UBR4: variants seen among roughly 807,000 people sequenced by gnomAD.
The protein encoded by UBR4 is ubiquitin protein ligase E3 component n-recognin 4, also known as E3 ubiquitin-protein ligase UBR4.
UBR4 carries 124 observed loss-of-function variants against 575.6 expected under a neutral mutation model. The ratio of observed to expected loss-of-function variants is 0.22; its 90% CI spans 0.19 to 0.25. UBR4 has a LOEUF of 0.25. Among genes scored for constraint, UBR4 ranks in the 10% least tolerant of loss-of-function variants. The pLI, the probability that UBR4 is intolerant of heterozygous loss-of-function variation, is 1.00. For synonymous variants in UBR4, 2,455 were observed against 2,473.7 expected (o/e 0.99, Z 0.22); for missense variants, 4,818 against 6,478.8 (o/e 0.74, Z 8.80).
At position 19,100,440 on chromosome 1, in the gene UBR4, A is replaced by G. The variant is rs1232496296; in HGVS notation, c.13157T>C (p.Ile4386Thr). The change falls in exon 89 of 106, where the codon ATA (isoleucine) becomes ACA (threonine). Residue 4386 changes from isoleucine (I) to threonine (T), a missense_variant. Coordinates refer to ENST00000375254, the MANE Select transcript of UBR4 (RefSeq NM_020765.3). This position sits in a 1 kb window ranked among gnomAD's most constrained non-coding sequence, Gnocchi z 4.2. ...EPGIGPLMRD[I>T]KNKICQDCDL... ...ACAGTCCTGGCAAATCTTGTTCTTT[A>G]TATCCCTCATCAGCGGCCCGATGCC... The G allele has an allele frequency of 1.2e-6, 2 of 1,614,102 alleles. No individual in the cohort carries two copies. The highest frequency in any genetic ancestry group is 2.2e-5 in the South Asian group (2 of 91,078).
chr1:19,110,055 C>CTT lies in UBR4; in HGVS notation c.12105+40_12105+41insAA. 6.2e-7 allele frequency: 1 copy of CTT among 1,611,524 alleles called. No individual in the cohort carries two copies. Among genetic ancestry groups the CTT allele is most frequent in the Non-Finnish European group, 8.5e-7 (1 of 1,179,130 alleles). ...ACTGCCAGGGAATGAGGAGGGTGGC[C>CTT]GCCCTGCCCTTCCTTGTTAGACCCC... On this transcript the variant is annotated intron_variant, in intron 81 of 105. Coordinates refer to ENST00000375254, the MANE Select transcript of UBR4 (RefSeq NM_020765.3). This position sits in a 1 kb window ranked among gnomAD's most constrained non-coding sequence, Gnocchi z 4.5.
chr1:19,109,424 A>G (rs17390090), intron 81 of UBR4, among the ~76,000 whole-genome samples: 12,982 of 152,358 alleles, frequency 0.085, 662 homozygotes, highest in Non-Finnish European at 0.12. Context: ...TATTACTAAG[A>G]TGGTCCAGTT....
At chr1:19,112,416 CT>C in intron 78 of UBR4, 107 bp downstream of exon 78, 6 of 1,286,188 alleles carry the variant, frequency 4.7e-6, no homozygotes, top group Non-Finnish European at 6.5e-6. Flanking sequence ...AGCTACCTAA[CT>C]TGCTGGGTGG....
chr1:19,197,578 G>A, intron 7 of UBR4, 92 bp downstream of exon 7: 1 of 1,526,938 alleles, frequency 6.5e-7, no homozygotes, highest in Non-Finnish European at 8.8e-7. Flanking sequence ...AGTGAACCGA[G>A]ACTGCACCCC....
chr1:19,156,216 G>A, intron 42 of UBR4, 55 bp downstream of exon 42: 1 of 1,594,256 alleles, frequency 6.3e-7, no homozygotes, highest in Non-Finnish European at 8.5e-7. Context: ...TAGTGATTCT[G>A]GATTTAAAAG....
chr1:19,080,862 C>T (rs1295836134), intron 103 of UBR4: 1 of 154,586 alleles, frequency 6.5e-6, no homozygotes. Flanking sequence ...GGTGTCCACA[C>T]GTATAGGAGA....
In UBR4 at chr1:19,119,690, T is replaced by C. The variant is rs765571388; in HGVS notation, c.10322A>G (p.Lys3441Arg). 2 of 1,610,290 alleles carry C rather than the reference T, an allele frequency of 1.2e-6. No individual in the cohort carries two copies. Among genetic ancestry groups the C allele is most frequent in the Non-Finnish European group, 1.7e-6 (2 of 1,176,888 alleles). The change falls in exon 70 of 106, where the codon AAA (lysine) becomes AGA (arginine). Residue 3441 changes from lysine to arginine, a missense_variant. Lys to Arg is a conservative substitution (Grantham distance 26). This residue lies in a region of UBR4 where 550 missense variants were observed against 791.5 expected (regional missense o/e 0.69). Coordinates refer to ENST00000375254, the MANE Select transcript of UBR4 (RefSeq NM_020765.3). ...LTLHIYRNSS[K>R]SQQELLLDLM... ...ATCTAGCAGGAGCTCCTGTTGAGATTTGCTGGAATTTCTGTGGATATATGA... is the reference window on the plus strand; with the variant it reads ...ATCTAGCAGGAGCTCCTGTTGAGATCTGCTGGAATTTCTGTGGATATATGA...
chr1:19,140,396 T>C (rs2083733975), intron 58 of UBR4, among the ~76,000 whole-genome samples: 1 of 152,236 alleles, frequency 6.6e-6, no homozygotes, highest in Non-Finnish European at 1.5e-5. Flanking sequence ...GCTCTCCTTT[T>C]ATTTGCAAAT....
intron 83 of UBR4, among the ~76,000 whole-genome samples, 176 bp from the exon 84 acceptor site, chr1:19,106,018 G>A (rs78604281): frequency 0.019 from 2,874 of 152,294 alleles, 84 homozygotes; most frequent in East Asian, 0.081. Flanking sequence ...TTTAGATGGG[G>A]AAAGGGGCTG....
chr1:19,184,122 G>C lies in UBR4; in HGVS notation c.1992C>G (p.Asn664Lys). The C allele has an allele frequency of 6.2e-7, 1 of 1,614,200 alleles. No homozygotes were observed. Among genetic ancestry groups the C allele is most frequent in the Non-Finnish European group, 8.5e-7 (1 of 1,180,026 alleles). The change falls in exon 16 of 106, where the codon AAC becomes AAG. Residue 664 changes from asparagine (N) to lysine (K), a missense_variant. By Grantham distance (94) the Asn-to-Lys change is moderately conservative. Transcript: ENST00000375254. ...ILNFITSSMLNSRNNFIRNYL... is the reference protein window; with the variant it reads ...ILNFITSSMLKSRNNFIRNYL... ...AGTTTCGGATAAAATTGTTCCGAGA[G>C]TTCAGCATGGAAGAGGTGATGAAGT...
intron 60 of UBR4, among the ~76,000 whole-genome samples, chr1:19,135,747 C>T (rs1386296442): frequency 6.6e-6 from 1 of 151,840 alleles, no homozygotes; most frequent in African/African-American, 2.4e-5. Flanking sequence ...TAACTGAAAT[C>T]CCAGAAAATA....
Position 19,092,811 on chromosome 1 carries a change from C to T in UBR4, c.14211+8G>A. The T allele has an allele frequency of 6.2e-7, 1 of 1,608,754 alleles. No individual in the cohort carries two copies. The highest frequency in any genetic ancestry group is 8.5e-7 in the Non-Finnish European group (1 of 1,177,688). The stretch of plus-strand genomic sequence containing the variant: ...TGTACCCTCACACTACCTGTCCTGG[C>T]TACCCACCTGGGTGCCAGGGTGCTG... On this transcript the variant is annotated splice_region_variant and intron_variant, in intron 97 of 105. Coordinates refer to ENST00000375254, the MANE Select transcript of UBR4 (RefSeq NM_020765.3).
At chr1:19,199,891 A>G (rs773666238) in intron 2 of UBR4, 137 bp from the exon 3 acceptor site, 8 of 714,962 alleles carry the variant, frequency 1.1e-5, no homozygotes, top group Non-Finnish European at 1.9e-5. Context: ...CCAAGGGGTA[A>G]ACAAAGGCAT....
At chr1:19,159,704 C>T (rs1369704268) in intron 39 of UBR4, among the ~76,000 whole-genome samples, 3 of 151,514 alleles carry the variant, frequency 2.0e-5, no homozygotes, top group Admixed American at 6.6e-5. Context: ...TCAAGTGATG[C>T]TCCCACATTA....
rs2083810487 is a variant in UBR4 at position 19,140,774 on chromosome 1, C to T, written c.8593+14G>A. The T allele has an allele frequency of 6.2e-7, 1 of 1,610,728 alleles. No individual in the cohort carries two copies. Among genetic ancestry groups the T allele is most frequent in the African/African-American group, 1.3e-5 (1 of 74,918 alleles). ...CTGGGGCCCTGAGCCGTGCTCCTTG[C>T]TGTGGACAGTTACCTGATGCTGTGG... On this transcript the variant is annotated intron_variant, in intron 58 of 105. Transcript: ENST00000375254.
At position 19,140,910 on chromosome 1, in the gene UBR4, A is replaced by G. The variant is rs371556719; in HGVS notation, c.8489-18T>C. On this transcript the variant is annotated intron_variant, in intron 57 of 105. Transcript: ENST00000375254. ...GCTGCTGCCTGGGAAACAAGTGGAG[A>G]GTGAGCACAACATCCCCTCCAGGTC... is the stretch of plus-strand genomic sequence containing the variant. 41 of 1,592,958 alleles carry G rather than the reference A, an allele frequency of 2.6e-5. No individual in the cohort carries two copies. Among genetic ancestry groups the G allele is most frequent in the Non-Finnish European group, 3.3e-5 (39 of 1,171,884 alleles).
chr1:19,189,672 G>GT (rs1284303110), intron 11 of UBR4, among the ~76,000 whole-genome samples: 1 of 152,158 alleles, frequency 6.6e-6, no homozygotes, highest in African/African-American at 2.4e-5. Flanking sequence ...TGTATGGCTT[G>GT]TCACTTATAC....
intron 60 of UBR4, among the ~76,000 whole-genome samples, chr1:19,137,327 A>G (rs990538602): frequency 2.0e-5 from 3 of 151,780 alleles, no homozygotes; most frequent in Non-Finnish European, 2.9e-5. Flanking sequence ...CTGACTTACT[A>G]TTTTTACACT....
intron 20 of UBR4, among the ~76,000 whole-genome samples, chr1:19,175,234 C>A (rs1449666546): frequency 6.6e-6 from 1 of 151,554 alleles, no homozygotes; most frequent in African/African-American, 2.4e-5. Context: ...GCCTCTACCC[C>A]CTGAATGCCA....
Sources: gnomAD v4.1 joint callset for allele counts (sites outside exome capture counted in the v4.1 genomes callset) on GRCh38, gnomAD v4.1.1 for gene constraint, gnomAD v4.1.1 regional missense constraint, Gnocchi (gnomAD v3.1) non-coding constraint, MANE v1.5 for transcripts, NCBI Gene and HGNC (gene_info 2026-07-23, HGNC 2026-07-21) for gene names.